The following KIAA0513 variants were observed in gnomAD, a reference collection of about 807,000 sequenced individuals.
KIAA0513 encodes uncharacterized protein KIAA0513.
In KIAA0513, 39 loss-of-function variants were observed where a neutral mutation model predicts 56.5. That is an observed-to-expected ratio of 0.69 (90% CI 0.53 to 0.90). KIAA0513 has a LOEUF of 0.90. Among genes scored for constraint, KIAA0513 ranks in the 40% least tolerant of loss-of-function variants. The pLI is 0.00. For missense variants in KIAA0513, 591 were observed against 535.2 expected (o/e 1.10, Z -1.03); for synonymous variants, 268 against 215.6 (o/e 1.24, Z -2.13).
intron 1 of KIAA0513, among the ~76,000 whole-genome samples, chr16:85,043,101 A>G (rs941714620): frequency 2.0e-5 from 3 of 152,228 alleles, no homozygotes; most frequent in Admixed American, 6.5e-5. Flanking sequence ...ACCGAAATAC[A>G]ATTTTAGACT....
intron 1 of KIAA0513, among the ~76,000 whole-genome samples, chr16:85,049,143 G>A (rs16975157): frequency 0.4 from 60,573 of 152,232 alleles, 13,387 homozygotes; most frequent in African/African-American, 0.59. Flanking sequence ...AGATTGCAGA[G>A]CGCCTTGGGC....
rs184906574 is a variant in KIAA0513 at position 85,068,602 on chromosome 16, G to T, written c.329+1202G>T. 3.3e-5 allele frequency among the ~76,000 whole-genome samples: 5 copies of T among 152,268 alleles called. No homozygotes were observed. In the East Asian group the frequency reaches 9.7e-4, roughly 29 times the overall value. On this transcript the variant is annotated intron_variant, in intron 2 of 12. Transcript: ENST00000683363. Reference sequence around the variant, plus strand: ...CTGCCTTAGCCTCCCAAAGTGCTGAGATTACAGGTGTGAGCCACCACGCCT... The same window carrying T: ...CTGCCTTAGCCTCCCAAAGTGCTGATATTACAGGTGTGAGCCACCACGCCT...
intron 1 of KIAA0513, among the ~76,000 whole-genome samples, chr16:85,035,598 C>T (rs2073024666): frequency 6.6e-6 from 1 of 152,198 alleles, no homozygotes; most frequent in African/African-American, 2.4e-5. Context: ...TCCAGTGATC[C>T]TCCCACCTCA....
At chr16:85,045,002 C>T (rs2073152297) in intron 1 of KIAA0513, among the ~76,000 whole-genome samples, 1 of 152,064 alleles carries the variant, frequency 6.6e-6, no homozygotes, top group South Asian at 2.1e-4. Flanking sequence ...CCTGTAGTCC[C>T]AGCTACTTGG....
chr16:85,085,405 T>C (rs900936172), intron 10 of KIAA0513, among the ~76,000 whole-genome samples: 7 of 152,236 alleles, frequency 4.6e-5, no homozygotes, highest in African/African-American at 1.7e-4. Flanking sequence ...TCCTTTGTTT[T>C]GTTTCTCTTC....
intron 1 of KIAA0513, among the ~76,000 whole-genome samples, chr16:85,034,012 C>G (rs893361395): frequency 6.6e-6 from 1 of 152,150 alleles, no homozygotes; most frequent in Admixed American, 6.6e-5. Flanking sequence ...CTCGCCATCC[C>G]TCCCCTCAAT....
intron 1 of KIAA0513, among the ~76,000 whole-genome samples, chr16:85,037,132 G>T (rs558296788): frequency 6.6e-6 from 1 of 151,982 alleles, no homozygotes; most frequent in Non-Finnish European, 1.5e-5. Context: ...GAAAGCATGC[G>T]CCTGGCAGAC....
At chr16:85,061,930 G>A (rs1597618023) in intron 1 of KIAA0513, among the ~76,000 whole-genome samples, 1 of 152,130 alleles carries the variant, frequency 6.6e-6, no homozygotes, top group African/African-American at 2.4e-5. Flanking sequence ...TGGCCTTCCC[G>A]GTTCTTGAAC....
intron 1 of KIAA0513, among the ~76,000 whole-genome samples, chr16:85,061,699 A>G (rs1035578930): frequency 6.6e-6 from 1 of 152,148 alleles, no homozygotes; most frequent in African/African-American, 2.4e-5. Context: ...TTGTTCCGGG[A>G]TGCTGGGGAA....
At chr16:85,078,486 C>T (rs777423764) in intron 7 of KIAA0513, 31 bp downstream of exon 7, 1 of 1,606,498 alleles carries the variant, frequency 6.2e-7, no homozygotes, top group East Asian at 2.2e-5. Flanking sequence ...GCAGGAGACG[C>T]CCAGCCCACA....
intron 1 of KIAA0513, among the ~76,000 whole-genome samples, chr16:85,052,048 G>A (rs1326567670): frequency 1.3e-5 from 2 of 152,056 alleles, no homozygotes; most frequent in African/African-American, 2.4e-5. Flanking sequence ...TTGGCCAGGC[G>A]CAGTGGCTCA....
chr16:85,033,203 G>C (rs1053747041), intron 1 of KIAA0513, among the ~76,000 whole-genome samples: 1 of 152,170 alleles, frequency 6.6e-6, no homozygotes, highest in East Asian at 1.9e-4. Context: ...TGAAGAGGTC[G>C]AGCAATCCAG....
chr16:85,049,526 C>T (rs28449531), intron 1 of KIAA0513, among the ~76,000 whole-genome samples: 60,771 of 151,822 alleles, frequency 0.4, 13,559 homozygotes, highest in African/African-American at 0.61. Flanking sequence ...TAGTGCCATC[C>T]CCCTTGGCAC....
At chr16:85,078,309 G>A (rs1042552753) in intron 6 of KIAA0513, 106 bp from the exon 7 acceptor site, 130 of 1,179,954 alleles carry the variant, frequency 1.1e-4, no homozygotes, top group East Asian at 8.6e-4. Context: ...AGAGCAAGCC[G>A]TATTAAATGT....
At chr16:85,032,022 G>A (rs8060908) in intron 1 of KIAA0513, among the ~76,000 whole-genome samples, 4,422 of 152,170 alleles carry the variant, frequency 0.029, 212 homozygotes, top group African/African-American at 0.1. Flanking sequence ...CACGCACTGG[G>A]GCTTAAAGCA....
chr16:85,045,454 C>CG (rs1454180087), intron 1 of KIAA0513, among the ~76,000 whole-genome samples: 2 of 152,204 alleles, frequency 1.3e-5, no homozygotes, highest in African/African-American at 4.8e-5. Context: ...CTCCCAGGTT[C>CG]AAGTGATTCT....
Position 85,074,967 on chromosome 16 carries a change from G to C in KIAA0513, c.504-877G>C, listed in dbSNP as rs889102279. ...AACGTTGGGGAGGGAGGGGATTAAA[G>C]TCCCAACCCTGCCAAAACACAAAAA... On this transcript the variant is annotated intron_variant, in intron 4 of 12. Coordinates refer to ENST00000683363, the MANE Select transcript of KIAA0513 (RefSeq NM_001388359.1). Among the ~76,000 whole-genome samples, 3 of 151,670 alleles carry C rather than the reference G, an allele frequency of 2.0e-5. 1 individual carries two copies. The highest frequency in any genetic ancestry group is 4.4e-5 in the Non-Finnish European group (3 of 67,976).
At chr16:85,049,053 G>A (rs1331250221) in intron 1 of KIAA0513, among the ~76,000 whole-genome samples, 3 of 152,252 alleles carry the variant, frequency 2.0e-5, no homozygotes, top group African/African-American at 4.8e-5. Context: ...GAGTGCTTCT[G>A]TGAGGTTGCT....
chr16:85,038,145 G>T (rs1040641472), intron 1 of KIAA0513, among the ~76,000 whole-genome samples: 2 of 152,080 alleles, frequency 1.3e-5, no homozygotes, highest in Admixed American at 1.3e-4. Flanking sequence ...CCACCTCTGT[G>T]CACCCCACTG....
Sources: allele counts gnomAD v4.1 joint callset (sites outside exome capture counted in the v4.1 genomes callset), GRCh38; gene constraint gnomAD v4.1.1; transcripts MANE v1.5; gene names NCBI Gene and HGNC (gene_info 2026-07-23, HGNC 2026-07-21).